Variants in OXNAD1 observed in about 807,000 individuals in gnomAD.
The protein encoded by OXNAD1 is oxidoreductase NAD binding domain containing 1.
OXNAD1 carries 34 observed loss-of-function variants against 32.9 expected under a neutral mutation model. That is an observed-to-expected ratio of 1.03 (90% CI 0.79 to 1.38). The LOEUF (loss-of-function observed/expected upper bound fraction) is 1.38, where lower values mean the gene tolerates loss of function less well. OXNAD1 is among the 40% of genes most tolerant of loss of function. The pLI is 0.00. For missense variants in OXNAD1, 407 were observed against 379.4 expected, an observed-to-expected ratio of 1.07 and a Z score of -0.60; for synonymous variants, 134 against 135.2, an observed-to-expected ratio of 0.99 and a Z score of 0.06.
Position 16,289,667 on chromosome 3 carries a change from C to T in OXNAD1, c.290+3219C>T, listed in dbSNP as rs116422352. On this transcript the variant is annotated intron_variant, in intron 5 of 8. Transcript: ENST00000285083. This position sits in a 1 kb window ranked among gnomAD's most constrained non-coding sequence, Gnocchi z 4.9. ...TCACAGGACTGCACATAACATAGCA[C>T]TGTATTCCTTGGCATCTTTTTCAAA... Among the ~76,000 whole-genome samples the T allele has an allele frequency of 6.3e-3, 955 of 152,286 alleles. 13 individuals are homozygous for T. The highest frequency in any genetic ancestry group is 0.021 in the African/African-American group (889 of 41,560).
intron 9 of OXNAD1, among the ~76,000 whole-genome samples, chr3:16,330,389 AGCCT>A (rs2125242209): frequency 6.6e-6 from 1 of 152,360 alleles, no homozygotes; most frequent in Admixed American, 6.5e-5. Flanking sequence ...ATACAAGATG[AGCCT>A]GTCAGTGAAA....
In OXNAD1 at chr3:16,286,332, T is replaced by C; in HGVS notation, c.184-10T>C. ...ACTAACCTCAGCCACAGTTCATCTT[T>C]TGGTTTTAGATTGTGTCAGCAGCTA... is the stretch of plus-strand genomic sequence containing the variant. On this transcript the variant is annotated splice_polypyrimidine_tract_variant and intron_variant, in intron 4 of 8. Transcript: ENST00000285083. 6.2e-7 allele frequency: 1 copy of C among 1,605,974 alleles called. No homozygotes were observed. The highest frequency in any genetic ancestry group is 1.1e-5 in the South Asian group (1 of 90,864).
rs1249264894 is a variant in OXNAD1 at position 16,265,852 on chromosome 3, T to G, written c.-159+347T>G. On this transcript the variant is annotated intron_variant, in intron 1 of 8. Coordinates refer to ENST00000285083, the MANE Select transcript of OXNAD1 (RefSeq NM_138381.5). This position sits in a 1 kb window ranked among gnomAD's most constrained non-coding sequence, Gnocchi z 4.8. ...TCTGTCTCCAAAGCCCAGGAACAAA[T>G]TACTTATGTGAGTACCAGTTTTTTC... 2 of 985,052 alleles carry G rather than the reference T, an allele frequency of 2.0e-6. No homozygotes were observed. Among genetic ancestry groups the G allele is most frequent in the East Asian group, 2.3e-4 (2 of 8,810 alleles). The allele number at this position is 985,052 out of a possible 1,614,324, so 61.0% of individuals were successfully genotyped here.
At chr3:16,273,436 G>A (rs1322955340) in intron 4 of OXNAD1, among the ~76,000 whole-genome samples, 4 of 147,596 alleles carry the variant, frequency 2.7e-5, no homozygotes, top group South Asian at 4.3e-4. Flanking sequence ...CCAGGCTGGA[G>A]TGCAGTGGGT....
chr3:16,277,949 G>A lies in OXNAD1; in HGVS notation c.183+6227G>A, dbSNP rs1575070066. Among the ~76,000 whole-genome samples the A allele has an allele frequency of 6.6e-6, 1 of 152,300 alleles. No individual in the cohort carries two copies. The highest frequency in any genetic ancestry group is 1.9e-4 in the East Asian group (1 of 5,194). On this transcript the variant is annotated intron_variant, in intron 4 of 8. Coordinates refer to ENST00000285083, the MANE Select transcript of OXNAD1 (RefSeq NM_138381.5). The surrounding 1 kb of genome is among the most constrained non-coding windows in gnomAD (Gnocchi z 4.3). ...TAGAAATGTCAAGGAGATAAAGATA[G>A]AAATACTGTAATGCAGTAAAGATTG...
downstream of OXNAD1, among the ~76,000 whole-genome samples, chr3:16,310,493 G>T (rs909117400): frequency 8.5e-5 from 13 of 152,162 alleles, no homozygotes; most frequent in African/African-American, 3.1e-4. Context: ...TGACTAGTGA[G>T]CAACACATTT....
chr3:16,293,053 A>G (rs1239029420), intron 5 of OXNAD1, among the ~76,000 whole-genome samples: 1 of 152,196 alleles, frequency 6.6e-6, no homozygotes, highest in Non-Finnish European at 1.5e-5. Context: ...GTCAATTTCT[A>G]CAATGAAAAC....
At position 16,294,991 on chromosome 3, in the gene OXNAD1, CA is replaced by C; in HGVS notation, c.428del (p.Asn143IlefsTer11). The C allele has an allele frequency of 1.9e-6, 3 of 1,611,216 alleles. No homozygotes were observed. Among genetic ancestry groups the C allele is most frequent in the Non-Finnish European group, 2.5e-6 (3 of 1,178,658 alleles). ...TNHPPALWVH[N>X]TCTLDCEVAV... The stretch of plus-strand genomic sequence containing the variant: ...ACCACCCTCCTGCCCTCTGGGTTCA[CA>C]ATACGGTAAGCACACTGCCTGTTTA... On this transcript the variant is annotated frameshift_variant, in exon 6 of 9. Transcript: ENST00000285083. LOFTEE classifies it high-confidence loss of function.
downstream of OXNAD1, among the ~76,000 whole-genome samples, chr3:16,338,072 AC>A (rs1194842392): frequency 6.6e-6 from 1 of 152,158 alleles, no homozygotes; most frequent in Non-Finnish European, 1.5e-5. The surrounding 1 kb of genome is among the most constrained non-coding windows in gnomAD (Gnocchi z 5.3). Flanking sequence ...AGAAAACCAA[AC>A]CTGCATGTGC....
intron 9 of OXNAD1, among the ~76,000 whole-genome samples, chr3:16,343,003 G>A (rs1250365423): frequency 6.6e-6 from 1 of 152,110 alleles, no homozygotes; most frequent in Non-Finnish European, 1.5e-5. Flanking sequence ...ACCATGCCCA[G>A]CTAATTTTTA....
intron 4 of OXNAD1, among the ~76,000 whole-genome samples, chr3:16,279,313 C>T (rs1396541548): frequency 6.6e-6 from 1 of 152,076 alleles, no homozygotes; most frequent in Admixed American, 6.5e-5. Flanking sequence ...CCTCTGGCCC[C>T]TAGGGGTGTG....
downstream of OXNAD1, among the ~76,000 whole-genome samples, chr3:16,311,011 A>AAAAAAAAAAAG (rs1472119686): frequency 3.7e-5 from 5 of 136,192 alleles, no homozygotes; most frequent in African/African-American, 1.2e-4. Flanking sequence ...AAAAAAAAAA[A>AAAAAAAAAAAG]AAATCATCTG....
At position 16,327,557 on chromosome 3, in the gene OXNAD1, A is replaced by G. The variant is rs528064104; in HGVS notation, c.*31-9555A>G. On this transcript the variant is annotated intron_variant, in intron 9 of 9. Transcript: ENST00000435829. The surrounding 1 kb of genome is among the most constrained non-coding windows in gnomAD (Gnocchi z 4.2). ...GGTGGATCACATGGTCAGGAGATCA[A>G]GACCATCCTGGCTAACACAGTGAAA... 6.6e-6 allele frequency among the ~76,000 whole-genome samples: 1 copy of G among 152,188 alleles called. No individual in the cohort carries two copies. Among genetic ancestry groups the G allele is most frequent in the Admixed American group, 6.5e-5 (1 of 15,292 alleles).
chr3:16,323,819 G>A (rs2069360910), intron 9 of OXNAD1, among the ~76,000 whole-genome samples: 1 of 152,236 alleles, frequency 6.6e-6, no homozygotes, highest in African/African-American at 2.4e-5. Flanking sequence ...ATGATGGGCA[G>A]GTAGATAAGG....
rs180907240 is a variant in OXNAD1, at chr3:16,314,469, C to T, written c.*30+10877C>T. ...GGGAGCTTTTAAAAATCCTGATGCC[C>T]ACGCCACTCCCCAGATCATTCATTC... On this transcript the variant is annotated intron_variant, in intron 9 of 9. Coordinates refer to the OXNAD1 transcript ENST00000435829. This position sits in a 1 kb window ranked among gnomAD's most constrained non-coding sequence, Gnocchi z 4.4. The T allele has an allele frequency of 6.6e-6, 1 of 152,176 alleles. No individual in the cohort carries two copies. Among genetic ancestry groups the T allele is most frequent in the East Asian group, 1.9e-4 (1 of 5,184 alleles). 9.4% of individuals were successfully genotyped at this position (152,176 alleles called of 1,614,324 possible).
chr3:16,272,647 C>CTTTTT (rs35628992), intron 4 of OXNAD1, among the ~76,000 whole-genome samples: 2 of 112,754 alleles, frequency 1.8e-5, no homozygotes, highest in Admixed American at 8.8e-5. Context: ...GCTTAAAGTT[C>CTTTTT]TTTTTTTTTT....
rs1463399452 is a variant in OXNAD1, at chr3:16,287,014, C to T, written c.290+566C>T. 6.6e-6 allele frequency among the ~76,000 whole-genome samples: 1 copy of T among 152,130 alleles called. No homozygotes were observed. The highest frequency in any genetic ancestry group is 2.4e-5 in the African/African-American group (1 of 41,412). ...GTTATCAGGATTCCCCAGTCAGGCC[C>T]AGCTCCCCAGAACCCCCACACAAAT... is the stretch of plus-strand genomic sequence containing the variant. On this transcript the variant is annotated intron_variant, in intron 5 of 8. Transcript: ENST00000285083. The surrounding 1 kb of genome is among the most constrained non-coding windows in gnomAD (Gnocchi z 4.8).
rs536774994 is a variant in OXNAD1 at position 16,322,992 on chromosome 3, A to G, written c.*31-14120A>G. On this transcript the variant is annotated intron_variant, in intron 9 of 9. Transcript: ENST00000435829. This position sits in a 1 kb window ranked among gnomAD's most constrained non-coding sequence, Gnocchi z 6.2. ...CTTAACAGGGCAGGCCAGAGCTCCA[A>G]CTAGCTGATAATGAGATTAAGACAC... Among the ~76,000 whole-genome samples, 1 of 152,310 alleles carries G rather than the reference A, an allele frequency of 6.6e-6. No individual in the cohort carries two copies. Among genetic ancestry groups the G allele is most frequent in the Admixed American group, 6.5e-5 (1 of 15,304 alleles).
At chr3:16,285,073 T>A (rs1229242041) in intron 4 of OXNAD1, among the ~76,000 whole-genome samples, 1 of 152,040 alleles carries the variant, frequency 6.6e-6, no homozygotes, top group African/African-American at 2.4e-5. Context: ...CCCCAGTTGA[T>A]TTTTAGGAGA....
Sources: allele counts gnomAD v4.1 joint callset (sites outside exome capture counted in the v4.1 genomes callset), GRCh38; gene constraint gnomAD v4.1.1; non-coding constraint Gnocchi (gnomAD v3.1); transcripts MANE v1.5; gene names NCBI Gene and HGNC (gene_info 2026-07-23, HGNC 2026-07-21).